CCP110: variants seen among roughly 807,000 people sequenced by gnomAD.
CCP110 encodes centriolar coiled-coil protein of 110 kDa.
In CCP110, 43 loss-of-function variants were observed where a neutral mutation model predicts 105.5. That is an observed-to-expected ratio of 0.41 (90% CI 0.32 to 0.53). The LOEUF (loss-of-function observed/expected upper bound fraction) is 0.53. Among genes scored for constraint, CCP110 ranks in the 20% least tolerant of loss-of-function variants. The pLI, the probability that CCP110 is intolerant of heterozygous loss-of-function variation, is 0.32. For missense variants in CCP110, 1,016 were observed against 1,189.1 expected, an observed-to-expected ratio of 0.85 and a Z score of 2.14; for synonymous variants, 353 against 392.1, an observed-to-expected ratio of 0.90 and a Z score of 1.18.
intron 1 of CCP110, chr16:19,525,883 A>G (rs1267056075): frequency 1.3e-5 from 2 of 152,622 alleles, no homozygotes; most frequent in Non-Finnish European, 2.9e-5. Context: ...GAAAATTGGG[A>G]AACAGCAGGG....
chr16:19,551,854 C>G (rs1410452303), exon 15 of CCP110: 1 of 152,162 alleles, frequency 6.6e-6, no homozygotes, highest in Non-Finnish European at 1.5e-5. Flanking sequence ...TGTCAGACAA[C>G]TAGTTGTCTG....
At chr16:19,547,921 T>A (rs758366917) in intron 12 of CCP110, 34 bp from the exon 13 acceptor site, 7 of 1,462,874 alleles carry the variant, frequency 4.8e-6, no homozygotes, top group Admixed American at 1.7e-5. Context: ...GAATTTAACC[T>A]ATTAAATTAA....
At chr16:19,526,704 C>A (rs1969685824) in intron 1 of CCP110, 1 of 151,572 alleles carries the variant, frequency 6.6e-6, no homozygotes, top group Non-Finnish European at 1.5e-5. Flanking sequence ...TTTCTCATTG[C>A]ACTATAATTT....
intron 1 of CCP110, chr16:19,526,131 G>A (rs1460287650): frequency 6.6e-6 from 1 of 152,088 alleles, no homozygotes; most frequent in East Asian, 1.9e-4. Context: ...CAAGATATAG[G>A]ACATATATGT....
intron 1 of CCP110, 141 bp from the exon 2 acceptor site, chr16:19,527,726 C>T: frequency 2.0e-6 from 1 of 497,786 alleles, no homozygotes; most frequent in Non-Finnish European, 3.4e-6. Context: ...AGAATTAGCT[C>T]CTGATCAGTA....
chr16:19,536,829 A>G, exon 4 of CCP110: 1 of 1,614,168 alleles, frequency 6.2e-7, no homozygotes, highest in South Asian at 1.1e-5. Context: ...TCAGCGTGTC[A>G]TATACTTATA....
At chr16:19,541,956 A>G (rs765305529) in exon 6 of CCP110, 6 of 1,611,422 alleles carry the variant, frequency 3.7e-6, no homozygotes, top group South Asian at 3.3e-5. Flanking sequence ...TGAGTTGGAC[A>G]TTAACAATGC....
At chr16:19,549,449 A>G (rs574260522) in intron 14 of CCP110, among the ~76,000 whole-genome samples, 28 of 152,342 alleles carry the variant, frequency 1.8e-4, no homozygotes, top group African/African-American at 6.5e-4. Context: ...ATTAGGAGGG[A>G]ACAAGCTATT....
intron 4 of CCP110, 62 bp downstream of exon 4, chr16:19,537,649 A>C: frequency 1.0e-6 from 1 of 958,798 alleles, no homozygotes; most frequent in Non-Finnish European, 1.5e-6. Flanking sequence ...AATACTCTTA[A>C]TTGACATTTT....
intron 4 of CCP110, among the ~76,000 whole-genome samples, chr16:19,539,516 C>T (rs1340556461): frequency 6.6e-6 from 1 of 151,442 alleles, no homozygotes; most frequent in Non-Finnish European, 1.5e-5. Flanking sequence ...CGCCACCACG[C>T]CCAGCTGTTA....
chr16:19,542,910 C>A (rs781706317), exon 8 of CCP110: 1 of 1,612,764 alleles, frequency 6.2e-7, no homozygotes, highest in Admixed American at 1.7e-5. Flanking sequence ...CAAAATTTAA[C>A]AAAATAACTG....
intron 12 of CCP110, chr16:19,547,727 G>A (rs12599884): frequency 0.14 from 63,451 of 458,734 alleles, 4,845 homozygotes; most frequent in Middle Eastern, 0.18. Flanking sequence ...CTATATGTTG[G>A]ACATTTCTTT....
In CCP110 at chr16:19,538,302, C is replaced by CTTTTTTTTTTTT. The variant is rs1164690143; in HGVS notation, c.1918+732_1918+743dup. The stretch of plus-strand genomic sequence containing the variant: ...ATATTAATAATTGGAGGAAACAGTT[C>CTTTTTTTTTTTT]TTTTTTTTTTTTTTTTTTTTTTTTT... On this transcript the variant is annotated intron_variant, in intron 4 of 14. Transcript: ENST00000381396. 4.5e-3 allele frequency among the ~76,000 whole-genome samples: 250 copies of CTTTTTTTTTTTT among 55,242 alleles called. 65 individuals carry two copies. Among genetic ancestry groups the CTTTTTTTTTTTT allele is most frequent in the East Asian group, 0.015 (22 of 1,438 alleles). The allele number at this position is 55,242 out of a possible 152,430, so 36.2% of individuals were successfully genotyped here.
intron 5 of CCP110, among the ~76,000 whole-genome samples, chr16:19,540,994 A>G (rs538059145): frequency 6.6e-6 from 1 of 152,350 alleles, no homozygotes; most frequent in African/African-American, 2.4e-5. Context: ...TAATTTATCG[A>G]GAATATTTTA....
At chr16:19,545,130 T>G (rs770840968) in exon 10 of CCP110, 6 of 1,612,372 alleles carry the variant, frequency 3.7e-6, no homozygotes, top group Non-Finnish European at 5.1e-6. Flanking sequence ...TGACATATTC[T>G]TTGTAATGGA....
At chr16:19,544,733 G>A in intron 8 of CCP110, 64 bp from the exon 9 acceptor site, 1 of 860,540 alleles carries the variant, frequency 1.2e-6, no homozygotes, top group Non-Finnish European at 1.9e-6. Context: ...AAAGAAAAAA[G>A]CAAACTCCAG....
At chr16:19,528,592 T>G (rs975822687) in intron 2 of CCP110, among the ~76,000 whole-genome samples, 1 of 152,130 alleles carries the variant, frequency 6.6e-6, no homozygotes, top group African/African-American at 2.4e-5. Flanking sequence ...TATAGAGTCA[T>G]GATTAGAGGT....
At chr16:19,533,486 G>T (rs1441789384) in intron 3 of CCP110, among the ~76,000 whole-genome samples, 3 of 152,112 alleles carry the variant, frequency 2.0e-5, no homozygotes, top group East Asian at 1.9e-4. Flanking sequence ...AAAAAGGAGG[G>T]TAGGTAATGA....
At chr16:19,546,014 A>G in intron 11 of CCP110, 124 bp downstream of exon 11, 1 of 604,068 alleles carries the variant, frequency 1.7e-6, no homozygotes, top group Non-Finnish European at 2.9e-6. Flanking sequence ...GCTGATAGAA[A>G]TCCCCTTTAT....
Sources: gnomAD v4.1 joint callset for allele counts (sites outside exome capture counted in the v4.1 genomes callset) on GRCh38, gnomAD v4.1.1 for gene constraint, MANE v1.5 for transcripts, NCBI Gene and HGNC (gene_info 2026-07-23, HGNC 2026-07-21) for gene names.